Variants in ANK3 observed in about 807,000 individuals in gnomAD.
ANK3 encodes ankyrin 3.
In ANK3, 57 loss-of-function variants were observed where a neutral mutation model predicts 370.9. The observed-to-expected ratio is 0.15, with a 90% confidence interval of 0.12 to 0.19. ANK3 has a LOEUF of 0.19. Among genes scored for constraint, ANK3 ranks in the 10% least tolerant of loss-of-function variants. ANK3 has a pLI of 1.00. For missense variants in ANK3, 4,439 were observed against 5,302.1 expected (o/e 0.84, Z 5.06); for synonymous variants, 1,929 against 1,946.3 (o/e 0.99, Z 0.23).
chr10:60,401,814 C>CT (rs1345643944), intron 2 of ANK3, among the ~76,000 whole-genome samples: 4 of 152,138 alleles, frequency 2.6e-5, no homozygotes, highest in Non-Finnish European at 5.9e-5. Context: ...TAAATGGCCA[C>CT]TTATCACCAG....
intron 30 of ANK3, chr10:60,086,463 G>A (rs186158092): frequency 2.2e-6 from 1 of 448,458 alleles, no homozygotes; most frequent in East Asian, 3.5e-5. Context: ...TTTTAAATGA[G>A]TCATGAGACC....
Position 60,099,946 on chromosome 10 carries a change from TG to T in ANK3, c.3328+5958del, listed in dbSNP as rs1170369158. ...GCTAAAAGCTCTACTGTGCCTGATA[TG>T]GGGGGTGGGGGGCAGGATGGCTTAT... On this transcript the variant is annotated intron_variant, in intron 28 of 43. Transcript: ENST00000280772. Among the ~76,000 whole-genome samples the T allele has an allele frequency of 2.0e-5, 3 of 148,110 alleles. No homozygotes were observed. The Middle Eastern group carries it at 0.01, about 507-fold the overall frequency.
chr10:60,671,447 T>A (rs1446301001), intron 1 of ANK3, among the ~76,000 whole-genome samples: 2 of 152,240 alleles, frequency 1.3e-5, no homozygotes, highest in Non-Finnish European at 1.5e-5. Flanking sequence ...GGTATCTCAA[T>A]CTAAGTGGGT....
chr10:60,703,767 C>G (rs920646), intron 1 of ANK3, among the ~76,000 whole-genome samples: 1 of 152,040 alleles, frequency 6.6e-6, no homozygotes. Flanking sequence ...CTCTGTGCAC[C>G]TCTTCCTGCC....
chr10:60,540,428 T>C (rs1188651267), intron 2 of ANK3, among the ~76,000 whole-genome samples: 1 of 151,906 alleles, frequency 6.6e-6, no homozygotes, highest in East Asian at 1.9e-4. Flanking sequence ...TTCAGATAAA[T>C]CCCCTTCTTT....
intron 18 of ANK3, among the ~76,000 whole-genome samples, chr10:60,175,111 GCTGT>G (rs1262389783): frequency 5.3e-5 from 8 of 152,166 alleles, no homozygotes; most frequent in Non-Finnish European, 1.0e-4. Flanking sequence ...AGTGTTAGGA[GCTGT>G]CTAATTCTAG....
At chr10:60,200,436 T>G (rs896631299) in intron 12 of ANK3, among the ~76,000 whole-genome samples, 4 of 152,216 alleles carry the variant, frequency 2.6e-5, no homozygotes, top group African/African-American at 9.6e-5. Context: ...TCGGGAGTCT[T>G]GTCACCCACT....
At chr10:60,721,225 C>T (rs2079858877) in intron 1 of ANK3, among the ~76,000 whole-genome samples, 2 of 152,116 alleles carry the variant, frequency 1.3e-5, no homozygotes, top group African/African-American at 4.8e-5. Flanking sequence ...CTGCAGAAGA[C>T]CATGAAAGTT....
chr10:60,232,543 C>A (rs924764360), intron 8 of ANK3, among the ~76,000 whole-genome samples: 12 of 152,174 alleles, frequency 7.9e-5, no homozygotes, highest in African/African-American at 2.9e-4. Context: ...GATGCAAAAT[C>A]AGTTCAGTAA....
intron 18 of ANK3, among the ~76,000 whole-genome samples, chr10:60,175,615 C>A (rs1487653520): frequency 6.6e-6 from 1 of 152,082 alleles, no homozygotes. Flanking sequence ...CAAAATGCAT[C>A]CGAGTCTTTA....
At chr10:60,148,933 TTA>T (rs1196531404) in intron 23 of ANK3, among the ~76,000 whole-genome samples, 2 of 152,200 alleles carry the variant, frequency 1.3e-5, no homozygotes, top group Non-Finnish European at 2.9e-5. Context: ...CCAGACTGCA[TTA>T]TTCTCACCTC....
Position 60,070,434 on chromosome 10 carries a change from T to C in ANK3, c.10447A>G (p.Lys3483Glu). The C allele has an allele frequency of 1.2e-6, 2 of 1,614,116 alleles. No homozygotes were observed. Among genetic ancestry groups the C allele is most frequent in the Non-Finnish European group, 1.7e-6 (2 of 1,180,014 alleles). The stretch of plus-strand genomic sequence containing the variant: ...GGAGTCTTTTCAGATGAAGAACTTT[T>C]AGAAGGTGGCTTGTCCTCATCTGGT... ...VGPDEDKPPSKSSSSEKTPDK... is the reference protein window; with the variant it reads ...VGPDEDKPPSESSSSEKTPDK... Residue 3483 changes from lysine to glutamate, a missense_variant, in exon 37 of 44, where the codon AAA becomes GAA. Around this residue, in one of 13 missense-constraint regions of ANK3, gnomAD observed 1,601 missense variants for 1,731.7 expected, o/e 0.92. Coordinates refer to ENST00000280772, the MANE Select transcript of ANK3 (RefSeq NM_020987.5). The surrounding 1 kb of genome is among the most constrained non-coding windows in gnomAD (Gnocchi z 5.7).
chr10:60,724,169 C>A (rs994317227), intron 1 of ANK3, among the ~76,000 whole-genome samples: 3 of 120,862 alleles, frequency 2.5e-5, no homozygotes, highest in African/African-American at 9.5e-5. Flanking sequence ...GAGATCGCGC[C>A]ACTGCACTCC....
intron 16 of ANK3, among the ~76,000 whole-genome samples, chr10:60,195,316 G>A (rs1054754968): frequency 3.3e-5 from 5 of 151,210 alleles, no homozygotes; most frequent in South Asian, 2.1e-4. Context: ...CCCCGGAGGC[G>A]GAGCTTGCAG....
chr10:60,326,739 C>T (rs1416102573), intron 1 of ANK3, among the ~76,000 whole-genome samples: 2 of 151,972 alleles, frequency 1.3e-5, no homozygotes, highest in East Asian at 1.9e-4. Flanking sequence ...AGTGAGCTCC[C>T]GACCGGGCGC....
intron 16 of ANK3, among the ~76,000 whole-genome samples, chr10:60,189,783 G>C (rs1192568107): frequency 6.6e-6 from 1 of 152,110 alleles, no homozygotes; most frequent in Admixed American, 6.5e-5. Flanking sequence ...CCAAGTGCTT[G>C]CCACATGTGC....
At position 60,103,011 on chromosome 10, in the gene ANK3, C is replaced by T. The variant is rs968862826; in HGVS notation, c.3328+2894G>A. Among the ~76,000 whole-genome samples, 6 of 151,762 alleles carry T rather than the reference C, an allele frequency of 4.0e-5. No homozygotes were observed. The South Asian group carries it at 6.3e-4, about 16-fold the overall frequency. On this transcript the variant is annotated intron_variant, in intron 28 of 43. Coordinates refer to ENST00000280772, the MANE Select transcript of ANK3 (RefSeq NM_020987.5). ...CTGTCGTCAGGCTGGAGTGCAGTGG[C>T]GCGATCTTGGCTCACTGCAACCTGC...
chr10:60,214,642 G>A (rs2096907759), intron 8 of ANK3, among the ~76,000 whole-genome samples: 1 of 152,108 alleles, frequency 6.6e-6, no homozygotes, highest in African/African-American at 2.4e-5. Context: ...TTTGTTTGCT[G>A]AGGATGATGG....
intron 1 of ANK3, among the ~76,000 whole-genome samples, chr10:60,330,149 A>G (rs972334999): frequency 1.3e-5 from 2 of 152,266 alleles, no homozygotes; most frequent in African/African-American, 4.8e-5. Flanking sequence ...GATGGATTAA[A>G]GACTGAAACG....
Sources: allele counts gnomAD v4.1 joint callset (sites outside exome capture counted in the v4.1 genomes callset), GRCh38; gene constraint gnomAD v4.1.1; regional missense constraint gnomAD v4.1.1; non-coding constraint Gnocchi (gnomAD v3.1); transcripts MANE v1.5; gene names NCBI Gene and HGNC (gene_info 2026-07-23, HGNC 2026-07-21).